CTIF: variants seen among roughly 807,000 people sequenced by gnomAD.
CTIF encodes CBP80/20-dependent translation initiation factor.
CTIF carries 21 observed loss-of-function variants against 66.0 expected under a neutral mutation model. The ratio of observed to expected loss-of-function variants is 0.32; its 90% CI spans 0.23 to 0.46. The LOEUF is 0.46. Ranked by LOEUF, CTIF falls within the 20% of genes least tolerant of loss-of-function variation. The probability of loss-of-function intolerance (pLI) is 1.00; values close to 1 mark genes in which losing one functional copy is unlikely to be tolerated. For missense variants in CTIF, 739 were observed against 812.7 expected (o/e 0.91, Z 1.10); for synonymous variants, 345 against 326.4 (o/e 1.06, Z -0.62).
Position 48,817,329 on chromosome 18 carries a change from G to A in CTIF, c.1480G>A (p.Glu494Lys), listed in dbSNP as rs1036710824. The A allele has an allele frequency of 1.2e-6, 2 of 1,613,590 alleles. No homozygotes were observed. The highest frequency in any genetic ancestry group is 1.3e-5 in the African/African-American group (1 of 74,972). ...VFGTMRSSTG[E>K]PFRVLVCPIY... ...CGGCACCATGCGCAGCAGCACAGGC[G>A]AGCCCTTCCGTGTGCTCGTGTGCCC... Residue 494 changes from glutamate (E) to lysine (K), a missense_variant, in exon 10 of 12, where the codon GAG becomes AAG. Transcript: ENST00000256413.
intron 5 of CTIF, among the ~76,000 whole-genome samples, chr18:48,667,066 G>A (rs1176152333): frequency 1.4e-5 from 2 of 145,934 alleles, no homozygotes; most frequent in East Asian, 3.9e-4. Flanking sequence ...GCATGGTGCT[G>A]GGTACCAGGA....
chr18:48,615,434 G>C (rs772610820), intron 1 of CTIF, among the ~76,000 whole-genome samples: 1 of 152,140 alleles, frequency 6.6e-6, no homozygotes, highest in Non-Finnish European at 1.5e-5. Flanking sequence ...GCCCCGCTGC[G>C]GAACAGGGAA....
chr18:48,685,889 C>G (rs1444381829), intron 6 of CTIF, among the ~76,000 whole-genome samples: 6 of 152,066 alleles, frequency 3.9e-5, no homozygotes, highest in Admixed American at 1.3e-4. Flanking sequence ...GTTGGCCGGG[C>G]TGATCTCAAG....
At chr18:48,658,350 G>A (rs945441131) in intron 3 of CTIF, among the ~76,000 whole-genome samples, 4 of 152,058 alleles carry the variant, frequency 2.6e-5, no homozygotes, top group African/African-American at 9.7e-5. Flanking sequence ...CATGTAGCAT[G>A]TGATGTGCAC....
chr18:48,840,612 G>A (rs2068917410), intron 10 of CTIF, among the ~76,000 whole-genome samples: 1 of 152,184 alleles, frequency 6.6e-6, no homozygotes, highest in African/African-American at 2.4e-5. Context: ...GCAGCCCCAG[G>A]CCCTTTTCTC....
intron 10 of CTIF, among the ~76,000 whole-genome samples, chr18:48,822,543 G>A (rs2068507206): frequency 9.2e-6 from 1 of 108,716 alleles, no homozygotes; most frequent in South Asian, 3.2e-4. Flanking sequence ...CACACACATT[G>A]TTTTATCCAT....
intron 1 of CTIF, among the ~76,000 whole-genome samples, chr18:48,544,556 C>T (rs1187223714): frequency 2.0e-5 from 3 of 152,222 alleles, no homozygotes; most frequent in Admixed American, 6.5e-5. Flanking sequence ...CAAATGCTCA[C>T]TTACCCAAGG....
intron 7 of CTIF, among the ~76,000 whole-genome samples, chr18:48,755,006 G>C (rs921605548): frequency 6.6e-6 from 1 of 152,182 alleles, no homozygotes; most frequent in African/African-American, 2.4e-5. Flanking sequence ...AGTGCACTGG[G>C]TAGAGAGAGG....
chr18:48,811,924 T>C (rs1355779243), intron 9 of CTIF, among the ~76,000 whole-genome samples: 1 of 152,208 alleles, frequency 6.6e-6, no homozygotes, highest in African/African-American at 2.4e-5. Context: ...AATTGCTGGA[T>C]CATATAGTAA....
intron 10 of CTIF, among the ~76,000 whole-genome samples, chr18:48,836,072 T>G (rs1401352894): frequency 6.6e-6 from 1 of 151,952 alleles, no homozygotes; most frequent in Non-Finnish European, 1.5e-5. Flanking sequence ...AAGGCACAAA[T>G]GCATACCCCC....
At chr18:48,547,662 A>G (rs1473872994) in intron 1 of CTIF, among the ~76,000 whole-genome samples, 4 of 152,134 alleles carry the variant, frequency 2.6e-5, no homozygotes. Context: ...CTGTTGTGAG[A>G]GATGGTTTCT....
At chr18:48,562,178 T>C (rs2143478823) in intron 1 of CTIF, among the ~76,000 whole-genome samples, 1 of 152,392 alleles carries the variant, frequency 6.6e-6, no homozygotes, top group South Asian at 2.1e-4. Context: ...ACTTGGCATG[T>C]GCCTGGCACT....
chr18:48,659,279 T>C (rs942807308), intron 3 of CTIF, among the ~76,000 whole-genome samples: 2 of 152,172 alleles, frequency 1.3e-5, no homozygotes, highest in Admixed American at 6.5e-5. Context: ...GAGACTCAGC[T>C]TCTCGTCTGC....
intron 6 of CTIF, among the ~76,000 whole-genome samples, chr18:48,705,685 C>A (rs1191229624): frequency 6.6e-6 from 1 of 152,230 alleles, no homozygotes; most frequent in Non-Finnish European, 1.5e-5. Flanking sequence ...CACCTCTGCC[C>A]AGGGGCCCAG....
intron 6 of CTIF, among the ~76,000 whole-genome samples, chr18:48,697,479 T>C (rs2092023699): frequency 6.6e-6 from 1 of 152,044 alleles, no homozygotes; most frequent in South Asian, 2.1e-4. Context: ...ATTTTAGGGG[T>C]AAACAGAAGT....
intron 1 of CTIF, among the ~76,000 whole-genome samples, chr18:48,556,901 T>G (rs981187270): frequency 1.3e-5 from 2 of 152,224 alleles, no homozygotes; most frequent in African/African-American, 4.8e-5. Flanking sequence ...GAGTTAATTT[T>G]CTAAAGCTCT....
intron 1 of CTIF, among the ~76,000 whole-genome samples, chr18:48,540,580 T>A (rs1034672124): frequency 1.4e-5 from 2 of 147,228 alleles, no homozygotes; most frequent in Non-Finnish European, 3.0e-5. Flanking sequence ...CGCGGAGTTT[T>A]CAGGGTTGGG....
At chr18:48,666,213 C>A (rs1440823277) in intron 5 of CTIF, among the ~76,000 whole-genome samples, 1 of 152,106 alleles carries the variant, frequency 6.6e-6, no homozygotes, top group Non-Finnish European at 1.5e-5. Flanking sequence ...CTCTTGTCTC[C>A]CTTTCACTTC....
rs10671224 is a variant in CTIF, at chr18:48,863,194, T to TAAACAA, written c.*3640_*3641insAAAACA. 1.3e-5 allele frequency: 2 copies of TAAACAA among 151,656 alleles called. No individual in the cohort carries two copies. Among genetic ancestry groups the TAAACAA allele is most frequent in the African/African-American group, 4.9e-5 (2 of 41,186 alleles). The allele number at this position is 151,656 out of a possible 1,614,324, so 9.4% of individuals were successfully genotyped here. On this transcript the variant is annotated 3_prime_UTR_variant, in exon 12 of 12. Coordinates refer to ENST00000256413, the MANE Select transcript of CTIF (RefSeq NM_014772.3). The stretch of plus-strand genomic sequence containing the variant: ...CAAACTACAAGTGGGTTTAAAAAAA[T>TAAACAA]AAACACCACCACCAAAAACAAAATG...
Sources: allele counts gnomAD v4.1 joint callset (sites outside exome capture counted in the v4.1 genomes callset), GRCh38; gene constraint gnomAD v4.1.1; transcripts MANE v1.5; gene names NCBI Gene and HGNC (gene_info 2026-07-23, HGNC 2026-07-21).